C12orf42: variants seen among roughly 807,000 people sequenced by gnomAD.
C12orf42 encodes the protein uncharacterized protein C12orf42.
C12orf42 carries 25 observed loss-of-function variants against 21.6 expected under a neutral mutation model. The ratio of observed to expected loss-of-function variants is 1.16; its 90% CI spans 0.84 to 1.62. The LOEUF is 1.62. Ranked by LOEUF, C12orf42 falls within the 40% of genes most tolerant of loss-of-function variation. The pLI is 0.00. For synonymous variants in C12orf42, 174 were observed against 175.0 expected, an observed-to-expected ratio of 0.99 and a Z score of 0.05; for missense variants, 483 against 459.3, an observed-to-expected ratio of 1.05 and a Z score of -0.47.
the C12orf42 span, among the ~76,000 whole-genome samples, chr12:103,194,519 T>C: frequency 6.6e-6 from 1 of 151,976 alleles, no homozygotes; most frequent in African/African-American, 2.4e-5. Flanking sequence ...TTCCATACAC[T>C]AACAACAAAG....
chr12:103,124,750 C>A, the C12orf42 span, among the ~76,000 whole-genome samples: 3 of 152,118 alleles, frequency 2.0e-5, no homozygotes, highest in Admixed American at 1.3e-4. Context: ...TAACACTACA[C>A]ATCTTATATC....
the C12orf42 span, among the ~76,000 whole-genome samples, chr12:103,220,176 C>T: frequency 5.3e-5 from 8 of 152,072 alleles, no homozygotes; most frequent in Non-Finnish European, 1.0e-4. Flanking sequence ...AACCAAACGC[C>T]ACACGTACTC....
rs1211839811 is a variant in C12orf42 at position 103,301,963 on chromosome 12, A to G, written c.*145T>C. The G allele has an allele frequency of 1.1e-6, 1 of 945,914 alleles. No homozygotes were observed. Among genetic ancestry groups the G allele is most frequent in the Non-Finnish European group, 1.6e-6 (1 of 640,762 alleles). 58.6% of individuals were successfully genotyped at this position (945,914 alleles called of 1,614,324 possible). Reference sequence around the variant, plus strand: ...TTTTTGGCTGCGCTAGGGACTTTTGACATTATTTATTAGGTTCAAAAATGC... The same window carrying G: ...TTTTTGGCTGCGCTAGGGACTTTTGGCATTATTTATTAGGTTCAAAAATGC... On this transcript the variant is annotated 3_prime_UTR_variant, in exon 6 of 6. Coordinates refer to ENST00000548883, the MANE Select transcript of C12orf42 (RefSeq NM_198521.5).
the C12orf42 span, among the ~76,000 whole-genome samples, chr12:103,228,118 G>A: frequency 5.3e-5 from 8 of 152,240 alleles, no homozygotes; most frequent in South Asian, 2.1e-4. Flanking sequence ...ATGTGCGTCC[G>A]TGTGAAGAGA....
At chr12:103,400,210 C>A (rs1327238790) in intron 3 of C12orf42, among the ~76,000 whole-genome samples, 1 of 152,158 alleles carries the variant, frequency 6.6e-6, no homozygotes, top group Non-Finnish European at 1.5e-5. Flanking sequence ...ACTCACTTCC[C>A]CATCCTAACT....
chr12:103,207,990 A>T, the C12orf42 span, among the ~76,000 whole-genome samples: 2 of 152,164 alleles, frequency 1.3e-5, no homozygotes, highest in Non-Finnish European at 2.9e-5. Context: ...TGACTCTACC[A>T]CGTCAGGCCA....
the C12orf42 span, among the ~76,000 whole-genome samples, chr12:103,172,255 A>C: frequency 6.6e-6 from 1 of 152,098 alleles, no homozygotes; most frequent in African/African-American, 2.4e-5. Context: ...AAAGCAGGAA[A>C]GGTGGGGAGT....
chr12:103,269,741 A>T (rs1343932692), intron 6 of C12orf42: 1 of 152,166 alleles, frequency 6.6e-6, no homozygotes, highest in Non-Finnish European at 1.5e-5. Flanking sequence ...GTGGAGAGGG[A>T]CAAATCCAGT....
chr12:103,413,396 C>G (rs2049013570), intron 2 of C12orf42, among the ~76,000 whole-genome samples: 1 of 152,126 alleles, frequency 6.6e-6, no homozygotes, highest in Non-Finnish European at 1.5e-5. Flanking sequence ...ATGCCTCCAG[C>G]TTTGTTCTTT....
intron 2 of C12orf42, among the ~76,000 whole-genome samples, chr12:103,430,026 A>AGTT (rs1950148378): frequency 3.3e-5 from 5 of 152,208 alleles, no homozygotes; most frequent in Admixed American, 3.3e-4. Context: ...CTCTAGAAAA[A>AGTT]TAACTTAGGC....
chr12:103,147,104 A>G, the C12orf42 span, among the ~76,000 whole-genome samples: 1 of 152,212 alleles, frequency 6.6e-6, no homozygotes, highest in East Asian at 1.9e-4. Context: ...ACATTCACGT[A>G]TAGAAGCTCA....
chr12:103,379,418 C>A (rs777139096), intron 3 of C12orf42, among the ~76,000 whole-genome samples: 2 of 152,018 alleles, frequency 1.3e-5, no homozygotes, highest in Non-Finnish European at 1.5e-5. Flanking sequence ...GACCATCACA[C>A]GCTTCTAACT....
chr12:103,219,601 G>T, the C12orf42 span, among the ~76,000 whole-genome samples: 2 of 152,130 alleles, frequency 1.3e-5, no homozygotes, highest in East Asian at 1.9e-4. Flanking sequence ...GTGGGCAAAG[G>T]ATATGAACAG....
the C12orf42 span, among the ~76,000 whole-genome samples, chr12:103,050,219 GGT>G: frequency 0.093 from 13,787 of 148,386 alleles, 977 homozygotes; most frequent in African/African-American, 0.19. Context: ...TTTTCTCACA[GGT>G]GTGTGTGTGT....
chr12:103,227,639 C>G, the C12orf42 span, among the ~76,000 whole-genome samples: 1 of 152,006 alleles, frequency 6.6e-6, no homozygotes, highest in Non-Finnish European at 1.5e-5. Context: ...GTACTTGCCC[C>G]TTCCCCAGAA....
chr12:103,258,472 C>A (rs1404717288), intron 10 of C12orf42, among the ~76,000 whole-genome samples: 2 of 151,890 alleles, frequency 1.3e-5, no homozygotes, highest in Non-Finnish European at 2.9e-5. Context: ...CAAGCCAACA[C>A]AATAGGGCAA....
chr12:103,250,056 CATCTATCTATCTATCTATCTATCT>C (rs3063670), intron 10 of C12orf42, among the ~76,000 whole-genome samples: 7 of 148,070 alleles, frequency 4.7e-5, no homozygotes, highest in African/African-American at 1.7e-4. Context: ...AAATCAAAGA[CATCTATCTATCTATCTATCTATCT>C]ATCTATCTAT....
At chr12:103,396,417 C>G (rs1413633354) in intron 3 of C12orf42, 1 of 152,156 alleles carries the variant, frequency 6.6e-6, no homozygotes, top group African/African-American at 2.4e-5. Context: ...TATAAATTAC[C>G]CAGTCTCACA....
At chr12:103,474,067 A>C (rs1304612013) in intron 2 of C12orf42, among the ~76,000 whole-genome samples, 2 of 152,124 alleles carry the variant, frequency 1.3e-5, no homozygotes, top group South Asian at 2.1e-4. Context: ...CCACCACCCC[A>C]TCCCATGGTG....
Sources: allele counts gnomAD v4.1 joint callset (sites outside exome capture counted in the v4.1 genomes callset), GRCh38; gene constraint gnomAD v4.1.1; transcripts MANE v1.5; gene names NCBI Gene and HGNC (gene_info 2026-07-23, HGNC 2026-07-21).